ZFHX3: variants seen among roughly 807,000 people sequenced by gnomAD.
ZFHX3 encodes zinc finger homeobox 3.
ZFHX3 carries 42 observed loss-of-function variants against 279.1 expected under a neutral mutation model. The ratio of observed to expected loss-of-function variants is 0.15; its 90% CI spans 0.12 to 0.19. The LOEUF (loss-of-function observed/expected upper bound fraction) is 0.19. Ranked by LOEUF, ZFHX3 falls within the 10% of genes least tolerant of loss-of-function variation. The pLI, the probability that ZFHX3 is intolerant of heterozygous loss-of-function variation, is 1.00. For synonymous variants in ZFHX3, 2,293 were observed against 1,957.8 expected, an observed-to-expected ratio of 1.17 and a Z score of -4.52; for missense variants, 4,981 against 4,754.0, an observed-to-expected ratio of 1.05 and a Z score of -1.40.
At chr16:73,438,648 T>C (rs1302003054) in intron 3 of ZFHX3, among the ~76,000 whole-genome samples, 1 of 152,244 alleles carries the variant, frequency 6.6e-6, no homozygotes, top group East Asian at 1.9e-4. Context: ...ATTCTTGATA[T>C]AGTGATAAAG....
At chr16:73,389,601 A>G (rs2016970718) in intron 3 of ZFHX3, among the ~76,000 whole-genome samples, 1 of 152,194 alleles carries the variant, frequency 6.6e-6, no homozygotes, top group Admixed American at 6.5e-5. Flanking sequence ...TGATGGTTCC[A>G]GTAAAAGGCA....
chr16:73,051,860 G>A (rs1194575820), upstream of ZFHX3, among the ~76,000 whole-genome samples: 1 of 152,144 alleles, frequency 6.6e-6, no homozygotes, highest in Non-Finnish European at 1.5e-5. Flanking sequence ...AAGGGCAAAG[G>A]GAATTTGCCA....
At position 72,785,504 on chromosome 16, in the gene ZFHX3, C is replaced by A. The variant is rs1251376847; in HGVS notation, c.*1660G>T. The A allele has an allele frequency of 6.6e-6, 1 of 152,626 alleles. No individual in the cohort carries two copies. Among genetic ancestry groups the A allele is most frequent in the Non-Finnish European group, 1.5e-5 (1 of 68,020 alleles). 9.5% of individuals were successfully genotyped at this position (152,626 alleles called of 1,614,324 possible). A position where few individuals can be genotyped will look rare whatever the true frequency, so the allele number is the denominator to read the frequency against. On this transcript the variant is annotated 3_prime_UTR_variant, in exon 10 of 10. Coordinates refer to ENST00000268489, the MANE Select transcript of ZFHX3 (RefSeq NM_006885.4). ...AACAACCTGGGAATCTTTTGTTTTT[C>A]TCTTTCTTTTATTAAACTAAGTCTT... is the stretch of plus-strand genomic sequence containing the variant.
intron 2 of ZFHX3, among the ~76,000 whole-genome samples, chr16:73,571,337 T>C (rs1364502869): frequency 6.6e-6 from 1 of 152,158 alleles, no homozygotes; most frequent in Non-Finnish European, 1.5e-5. Context: ...AAAAGCTTAG[T>C]TCTTTTGTGC....
intron 7 of ZFHX3, chr16:73,125,129 G>C (rs1005888329): frequency 1.3e-5 from 2 of 150,022 alleles, no homozygotes; most frequent in African/African-American, 2.5e-5. Flanking sequence ...CCCAGTCACT[G>C]TTTGCTGTAA....
chr16:73,434,997 C>T (rs976322829), intron 3 of ZFHX3, among the ~76,000 whole-genome samples: 4 of 152,170 alleles, frequency 2.6e-5, no homozygotes, highest in African/African-American at 9.6e-5. Context: ...GTAAATAGGA[C>T]TCAATACATG....
intron 2 of ZFHX3, among the ~76,000 whole-genome samples, chr16:73,563,172 G>T (rs1343475914): frequency 1.2e-3 from 3 of 2,474 alleles, no homozygotes; most frequent in South Asian, 5.0e-3. Context: ...TTGTTTTGTT[G>T]TGTGTGTGTG....
At chr16:73,232,597 T>C (rs2012811357) in intron 5 of ZFHX3, 1 of 152,188 alleles carries the variant, frequency 6.6e-6, no homozygotes, top group Non-Finnish European at 1.5e-5. Flanking sequence ...GAAACCCCCA[T>C]CTTGGGTCTG....
At chr16:73,877,201 T>TGGGGGGG (rs112129642) in intron 1 of ZFHX3, among the ~76,000 whole-genome samples, 1 of 105,628 alleles carries the variant, frequency 9.5e-6, no homozygotes. Context: ...GGGGGTTAGG[T>TGGGGGGG]CGGGGGGGGG....
intron 5 of ZFHX3, among the ~76,000 whole-genome samples, chr16:73,228,870 A>G (rs928762950): frequency 6.6e-6 from 1 of 152,162 alleles, no homozygotes; most frequent in Non-Finnish European, 1.5e-5. Context: ...AATAAACAGG[A>G]GATAAGGAAA....
chr16:73,005,882 A>T (rs2144609840), intron 1 of ZFHX3: 1 of 152,314 alleles, frequency 6.6e-6, no homozygotes, highest in Middle Eastern at 3.4e-3. Flanking sequence ...ACTTAACATG[A>T]AATACAACCT....
chr16:73,616,203 A>G (rs1263975589), intron 2 of ZFHX3, among the ~76,000 whole-genome samples: 1 of 151,708 alleles, frequency 6.6e-6, no homozygotes, highest in Non-Finnish European at 1.5e-5. Context: ...CAGAGAGGTC[A>G]GAGAAGATCT....
Position 73,562,540 on chromosome 16 carries a change from G to C in ZFHX3, c.-1546-106282C>G, listed in dbSNP as rs1016134706. 2.1e-5 allele frequency among the ~76,000 whole-genome samples: 3 copies of C among 145,882 alleles called. No individual in the cohort carries two copies. In the Admixed American group the frequency reaches 2.1e-4, roughly 10 times the overall value. On this transcript the variant is annotated intron_variant, in intron 2 of 17. Coordinates refer to the ZFHX3 transcript ENST00000641206. Reference sequence around the variant, plus strand: ...GAACCTGGGAGGCGGAGCTTGCAGTGACCCGAGATGGCGCCACTGAACTCC... The same window carrying C: ...GAACCTGGGAGGCGGAGCTTGCAGTCACCCGAGATGGCGCCACTGAACTCC...
intron 7 of ZFHX3, chr16:73,093,856 T>G (rs1321683272): frequency 3.5e-6 from 1 of 286,468 alleles, no homozygotes; most frequent in Non-Finnish European, 7.0e-6. Context: ...AAATGAATTT[T>G]AGGGCTTAGA....
In ZFHX3 at chr16:72,793,445, T is replaced by C. The variant is rs752118970; in HGVS notation, c.9237A>G (p.Gln3079=). The C allele has an allele frequency of 1.6e-5, 26 of 1,614,210 alleles. No homozygotes were observed. The South Asian group carries it at 2.1e-4, about 13-fold the overall frequency. ...TGGCCTTTTTAATCCGGTCCAACTC[T>C]TGTTGAGCCATCAACTGACGTACGG... ...PATVRQLMAQ[Q]ELDRIKKANE... The change falls in exon 9 of 10, where the codon CAA becomes CAG. Residue 3079 remains glutamine, a synonymous_variant. Coordinates refer to ENST00000268489, the MANE Select transcript of ZFHX3 (RefSeq NM_006885.4). The surrounding 1 kb of genome is among the most constrained non-coding windows in gnomAD (Gnocchi z 4.3).
chr16:72,794,933 G>A lies in ZFHX3; in HGVS notation c.7749C>T (p.Leu2583=), dbSNP rs148730718. The change falls in exon 9 of 10, where the codon CTC becomes CTT. Residue 2583 remains leucine (L), a synonymous_variant. Transcript: ENST00000268489. The surrounding 1 kb of genome is among the most constrained non-coding windows in gnomAD (Gnocchi z 4.2). Reference sequence around the variant, plus strand: ...CCCCAGAGAGCAGCTGGCTGGCCAGGAGTGGGTTACTGGGATCAAAGAGCA... The same window carrying A: ...CCCCAGAGAGCAGCTGGCTGGCCAGAAGTGGGTTACTGGGATCAAAGAGCA... ...PFMLFDPSNP[L]LASQLLSGAI... is the part of the protein sequence containing the mutation. 3 of 1,614,040 alleles carry A rather than the reference G, an allele frequency of 1.9e-6. No individual in the cohort carries two copies. Among genetic ancestry groups the A allele is most frequent in the Non-Finnish European group, 2.5e-6 (3 of 1,180,044 alleles).
chr16:73,331,840 A>G (rs1368504040), intron 3 of ZFHX3, among the ~76,000 whole-genome samples: 1 of 152,220 alleles, frequency 6.6e-6, no homozygotes, highest in African/African-American at 2.4e-5. Flanking sequence ...TGGGGGTTAG[A>G]AAAAGACGTG....
intron 2 of ZFHX3, among the ~76,000 whole-genome samples, chr16:73,675,790 G>A (rs1262140547): frequency 6.6e-6 from 1 of 151,614 alleles, no homozygotes; most frequent in Admixed American, 6.6e-5. Context: ...CAAATATCTA[G>A]GCATAGAAAA....
At chr16:73,111,809 C>A (rs1054575179) in intron 7 of ZFHX3, among the ~76,000 whole-genome samples, 9 of 152,086 alleles carry the variant, frequency 5.9e-5, no homozygotes, top group African/African-American at 1.9e-4. Context: ...ACATTCTAAA[C>A]CCTTGCCATA....
Sources: allele counts gnomAD v4.1 joint callset (sites outside exome capture counted in the v4.1 genomes callset), GRCh38; gene constraint gnomAD v4.1.1; non-coding constraint Gnocchi (gnomAD v3.1); transcripts MANE v1.5; gene names NCBI Gene and HGNC (gene_info 2026-07-23, HGNC 2026-07-21).